The following TJP1 variants were observed in gnomAD, a reference collection of about 807,000 sequenced individuals.
TJP1 encodes the protein tight junction protein ZO-1.
TJP1 carries 43 observed loss-of-function variants against 194.2 expected under a neutral mutation model. That is an observed-to-expected ratio of 0.22 (90% CI 0.17 to 0.29). The LOEUF is 0.29. Ranked by LOEUF, TJP1 falls within the 10% of genes least tolerant of loss-of-function variation. TJP1 has a pLI of 1.00. For missense variants in TJP1, 1,971 were observed against 2,185.7 expected, an observed-to-expected ratio of 0.90 and a Z score of 1.96; for synonymous variants, 801 against 779.0, an observed-to-expected ratio of 1.03 and a Z score of -0.47.
At chr15:29,964,689 T>C (rs1181145810) in intron 1 of TJP1, among the ~76,000 whole-genome samples, 1 of 152,194 alleles carries the variant, frequency 6.6e-6, no homozygotes, top group Non-Finnish European at 1.5e-5. Context: ...CCCCACTGCT[T>C]CTTTTCATCG....
intron 2 of TJP1, among the ~76,000 whole-genome samples, chr15:29,948,933 C>G (rs1380510391): frequency 6.6e-6 from 1 of 151,442 alleles, no homozygotes; most frequent in Non-Finnish European, 1.5e-5. Flanking sequence ...CCACCACCTC[C>G]TCCTCTTCCA....
intron 2 of TJP1, among the ~76,000 whole-genome samples, chr15:29,941,208 A>G (rs1414295014): frequency 6.6e-6 from 1 of 152,108 alleles, no homozygotes; most frequent in Admixed American, 6.5e-5. Flanking sequence ...GCTTGAGGCC[A>G]CACACATCTC....
Position 29,874,068 on chromosome 15 carries a change from C to A in TJP1, c.307-73366G>T, listed in dbSNP as rs370034860. ...AATGTACCACCCACGGGGAGTTGCA[C>A]AGCTTAGGGCTTAGGCAGAGATGAT... On this transcript the variant is annotated intron_variant, in intron 2 of 28. Coordinates refer to the TJP1 transcript ENST00000356107. Among the ~76,000 whole-genome samples the A allele has an allele frequency of 2.6e-4, 40 of 152,340 alleles. No homozygotes were observed. The South Asian group carries it at 8.3e-3, about 32-fold the overall frequency.
chr15:29,760,068 A>G (rs137919448), intron 8 of TJP1: 16 of 550,932 alleles, frequency 2.9e-5, no homozygotes, highest in African/African-American at 2.3e-4. Flanking sequence ...GGCCGTATCA[A>G]TTACATTCTC....
At chr15:29,799,461 C>A (rs2048634972) in intron 2 of TJP1, among the ~76,000 whole-genome samples, 1 of 151,384 alleles carries the variant, frequency 6.6e-6, no homozygotes. Flanking sequence ...GTCACCCAGG[C>A]TGGAGTGCAG....
intron 4 of TJP1, among the ~76,000 whole-genome samples, chr15:29,768,921 GA>G (rs1178963838): frequency 6.6e-6 from 1 of 152,002 alleles, no homozygotes; most frequent in Non-Finnish European, 1.5e-5. Context: ...GTAAGTACTA[GA>G]AAAAAATACA....
chr15:29,725,773 A>G (rs759432817), intron 18 of TJP1, among the ~76,000 whole-genome samples: 11 of 152,230 alleles, frequency 7.2e-5, no homozygotes, highest in Non-Finnish European at 1.2e-4. Context: ...GCTTTGTTCA[A>G]TATCTCCCAG....
chr15:29,803,734 A>G (rs186607622), intron 1 of TJP1, among the ~76,000 whole-genome samples: 1 of 152,260 alleles, frequency 6.6e-6, no homozygotes, highest in Admixed American at 6.5e-5. Flanking sequence ...GAGGAGTGCA[A>G]TAAGAGAAAC....
In TJP1 at chr15:29,761,815, C is replaced by T. The variant is rs1227826731; in HGVS notation, c.694-46G>A. The T allele has an allele frequency of 3.5e-6, 5 of 1,445,644 alleles. No individual in the cohort carries two copies. In the African/African-American group the frequency reaches 5.6e-5, roughly 16 times the overall value. 89.6% of individuals were successfully genotyped at this position (1,445,644 alleles called of 1,614,324 possible). ...CAGCTTGAAAGTAAATAATAAAATA[C>T]AAATGTTAACTTAGTTTGTTATAAA... On this transcript the variant is annotated intron_variant, in intron 6 of 27. Coordinates refer to ENST00000614355, the MANE Select transcript of TJP1 (RefSeq NM_001330239.4).
At chr15:29,809,194 A>G (rs1319338055) in intron 1 of TJP1, among the ~76,000 whole-genome samples, 1 of 152,226 alleles carries the variant, frequency 6.6e-6, no homozygotes, top group African/African-American at 2.4e-5. Context: ...ATTTTATATC[A>G]TTGCATGCTA....
downstream of TJP1, chr15:29,699,578 C>CT (rs1484723475): frequency 5.9e-5 from 9 of 152,170 alleles, no homozygotes; most frequent in African/African-American, 2.2e-4. Context: ...GTAACTTACT[C>CT]TATGTAAATT....
At position 29,956,898 on chromosome 15, in the gene TJP1, T is replaced by C. The variant is rs929974872; in HGVS notation, c.174-534A>G. On this transcript the variant is annotated intron_variant, in intron 1 of 28. Coordinates refer to the TJP1 transcript ENST00000356107. ...CCCTGTCTCATTTATAAGGTTTTTT[T>C]TTAAAAAAAGATTCATTAAATATCA... Among the ~76,000 whole-genome samples, 60 of 152,008 alleles carry C rather than the reference T, an allele frequency of 3.9e-4. 1 individual carries two copies. Among genetic ancestry groups the C allele is most frequent in the African/African-American group, 1.3e-3 (55 of 41,476 alleles).
chr15:29,896,639 G>T (rs2053485882), intron 2 of TJP1, among the ~76,000 whole-genome samples: 1 of 152,214 alleles, frequency 6.6e-6, no homozygotes, highest in Non-Finnish European at 1.5e-5. Flanking sequence ...GAACTTCCTA[G>T]AGACTTGTTG....
intron 2 of TJP1, among the ~76,000 whole-genome samples, chr15:29,918,448 G>T (rs1290286045): frequency 6.6e-6 from 1 of 152,122 alleles, no homozygotes; most frequent in Non-Finnish European, 1.5e-5. Flanking sequence ...AATTAAAATG[G>T]TATAGGCCAG....
intron 2 of TJP1, among the ~76,000 whole-genome samples, chr15:29,846,394 T>C (rs528457280): frequency 7.2e-4 from 109 of 152,276 alleles, no homozygotes; most frequent in African/African-American, 2.3e-3. Flanking sequence ...GTGCCTGACA[T>C]GGCACATTAG....
intron 1 of TJP1, among the ~76,000 whole-genome samples, chr15:29,958,024 G>C (rs1209547053): frequency 6.6e-6 from 1 of 152,114 alleles, no homozygotes; most frequent in African/African-American, 2.4e-5. Context: ...TTCCCACCTT[G>C]AACATGGACT....
intron 2 of TJP1, among the ~76,000 whole-genome samples, chr15:29,905,515 T>C (rs8024432): frequency 0.018 from 2,775 of 152,276 alleles, 91 homozygotes; most frequent in African/African-American, 0.064. Flanking sequence ...TTAGTATTTA[T>C]CCAAATGAGT....
intron 23 of TJP1, among the ~76,000 whole-genome samples, chr15:29,715,205 T>C (rs1371504140): frequency 6.6e-6 from 1 of 152,144 alleles, no homozygotes; most frequent in Non-Finnish European, 1.5e-5. Context: ...GGGTTTATAT[T>C]GTGCTAGCTC....
intron 2 of TJP1, among the ~76,000 whole-genome samples, chr15:29,856,926 C>A (rs2051878417): frequency 6.6e-6 from 1 of 151,922 alleles, no homozygotes. Flanking sequence ...TCACTATCCC[C>A]TAAATAATAC....
Sources: gnomAD v4.1 joint callset for allele counts (sites outside exome capture counted in the v4.1 genomes callset) on GRCh38, gnomAD v4.1.1 for gene constraint, MANE v1.5 for transcripts, NCBI Gene and HGNC (gene_info 2026-07-23, HGNC 2026-07-21) for gene names.